CNTN5: variants seen among roughly 807,000 people sequenced by gnomAD.
CNTN5 encodes contactin-5.
CNTN5 carries 77 observed loss-of-function variants against 129.1 expected under a neutral mutation model. That is an observed-to-expected ratio of 0.60 (90% CI 0.50 to 0.72). The LOEUF is 0.72. CNTN5 is among the 30% of genes least tolerant of loss of function. The pLI, the probability that CNTN5 is intolerant of heterozygous loss-of-function variation, is 0.00. For synonymous variants in CNTN5, 509 were observed against 465.6 expected (o/e 1.09, Z -1.20); for missense variants, 1,478 against 1,328.8 (o/e 1.11, Z -1.75).
At chr11:99,371,279 G>A (rs1216446502) in intron 2 of CNTN5, among the ~76,000 whole-genome samples, 1 of 151,594 alleles carries the variant, frequency 6.6e-6, no homozygotes, top group African/African-American at 2.4e-5. Context: ...AAAGATTATA[G>A]CATAATTATA....
At chr11:99,168,065 C>T (rs1398383705) in intron 1 of CNTN5, among the ~76,000 whole-genome samples, 1 of 151,970 alleles carries the variant, frequency 6.6e-6, no homozygotes, top group Non-Finnish European at 1.5e-5. Flanking sequence ...TGCCAAGCCT[C>T]CCAAGTAGCT....
chr11:99,779,838 C>T (rs935043409), intron 3 of CNTN5, among the ~76,000 whole-genome samples: 7 of 152,006 alleles, frequency 4.6e-5, no homozygotes, highest in African/African-American at 1.7e-4. Flanking sequence ...TATAAGTTCT[C>T]AGTGGCTGTG....
intron 1 of CNTN5, among the ~76,000 whole-genome samples, chr11:99,125,883 C>G (rs1022806928): frequency 6.6e-6 from 1 of 151,970 alleles, no homozygotes; most frequent in African/African-American, 2.4e-5. Context: ...ATGGTAATAC[C>G]ATTATATCAT....
At position 99,798,439 on chromosome 11, in the gene CNTN5, T is replaced by A. The variant is rs904481900; in HGVS notation, c.56-21105T>A. Among the ~76,000 whole-genome samples, 8 of 152,338 alleles carry A rather than the reference T, an allele frequency of 5.3e-5. No homozygotes were observed. The East Asian group carries it at 1.5e-3, about 29-fold the overall frequency. ...TTTTTATCTATCTTGAATTAATTTT[T>A]ATAAATGGTGAAAGATCAAGGGTCC... On this transcript the variant is annotated intron_variant, in intron 3 of 24. Coordinates refer to ENST00000524871, the MANE Select transcript of CNTN5 (RefSeq NM_014361.4).
intron 3 of CNTN5, among the ~76,000 whole-genome samples, chr11:99,775,920 G>A (rs1945108707): frequency 6.6e-6 from 1 of 152,056 alleles, no homozygotes; most frequent in Admixed American, 6.6e-5. Flanking sequence ...ATTAGAATAT[G>A]TGTTGGTTGT....
chr11:99,619,197 A>G (rs1322683642), intron 3 of CNTN5, among the ~76,000 whole-genome samples: 2 of 152,116 alleles, frequency 1.3e-5, no homozygotes, highest in Non-Finnish European at 2.9e-5. Flanking sequence ...AAAAAAATCA[A>G]AAAACTATAT....
chr11:99,161,906 A>G (rs909677404), intron 1 of CNTN5, among the ~76,000 whole-genome samples: 5 of 152,172 alleles, frequency 3.3e-5, no homozygotes, highest in African/African-American at 9.7e-5. Context: ...TCACTCTTCA[A>G]GTAAAACACT....
At chr11:99,898,093 T>G (rs1949256302) in intron 6 of CNTN5, among the ~76,000 whole-genome samples, 1 of 152,066 alleles carries the variant, frequency 6.6e-6, no homozygotes, top group African/African-American at 2.4e-5. Context: ...GAGGAAATTT[T>G]ATAGCATTAA....
At chr11:100,274,930 C>A (rs1484120570) in intron 18 of CNTN5, among the ~76,000 whole-genome samples, 2 of 152,156 alleles carry the variant, frequency 1.3e-5, no homozygotes, top group African/African-American at 4.8e-5. Context: ...ATAATCTGTA[C>A]AACAAACCCC....
intron 4 of CNTN5, among the ~76,000 whole-genome samples, chr11:99,843,241 T>C (rs994638581): frequency 2.0e-5 from 3 of 152,068 alleles, no homozygotes; most frequent in Admixed American, 6.6e-5. Flanking sequence ...AACAAAAAAC[T>C]TGCATCTAGG....
At chr11:100,014,694 A>T (rs970566796) in intron 9 of CNTN5, among the ~76,000 whole-genome samples, 3 of 152,058 alleles carry the variant, frequency 2.0e-5, no homozygotes, top group African/African-American at 7.2e-5. Flanking sequence ...CATTCACTTT[A>T]TCTGTTTGGT....
At chr11:99,181,354 C>T (rs1177986378) in intron 1 of CNTN5, among the ~76,000 whole-genome samples, 1 of 152,142 alleles carries the variant, frequency 6.6e-6, no homozygotes, top group Non-Finnish European at 1.5e-5. Flanking sequence ...TGCTGTGTCT[C>T]ATTTGGGTTT....
chr11:99,548,892 G>A (rs75135761), intron 2 of CNTN5, among the ~76,000 whole-genome samples: 13,466 of 151,948 alleles, frequency 0.089, 1,194 homozygotes, highest in East Asian at 0.35. Flanking sequence ...ATCAATTCTG[G>A]AAAATCTTAG....
intron 3 of CNTN5, among the ~76,000 whole-genome samples, chr11:99,722,757 C>G (rs761566224): frequency 6.6e-6 from 1 of 151,654 alleles, no homozygotes; most frequent in Non-Finnish European, 1.5e-5. Flanking sequence ...CTGGTAAGAC[C>G]CTGTCTTTTA....
chr11:99,546,801 G>T (rs1948308649), intron 2 of CNTN5, among the ~76,000 whole-genome samples: 1 of 152,074 alleles, frequency 6.6e-6, no homozygotes, highest in African/African-American at 2.4e-5. Context: ...TTGCACTCAT[G>T]ATGGCCTTTT....
At chr11:99,046,326 C>T (rs61891107) in intron 1 of CNTN5, among the ~76,000 whole-genome samples, 20,488 of 151,904 alleles carry the variant, frequency 0.13, 1,517 homozygotes, top group East Asian at 0.33. Flanking sequence ...GGTGACACAG[C>T]GAGACCCAGT....
At position 100,322,743 on chromosome 11, in the gene CNTN5, AC is replaced by A. The variant is rs149959166; in HGVS notation, c.2730+14276del. Among the ~76,000 whole-genome samples, 316 of 152,210 alleles carry A rather than the reference AC, an allele frequency of 2.1e-3. 1 individual carries two copies. Among genetic ancestry groups the A allele is most frequent in the African/African-American group, 7.1e-3 (296 of 41,538 alleles). Reference sequence around the variant, plus strand: ...AGCCTTCTTTGAGCTTTGTCAGTATACAGGTCTTGATAGTCTTTTCTTAGAT... The same window carrying A: ...AGCCTTCTTTGAGCTTTGTCAGTATAAGGTCTTGATAGTCTTTTCTTAGAT... On this transcript the variant is annotated intron_variant, in intron 21 of 24. Transcript: ENST00000524871.
At chr11:99,408,680 G>T (rs1218773432) in intron 2 of CNTN5, among the ~76,000 whole-genome samples, 1 of 151,888 alleles carries the variant, frequency 6.6e-6, no homozygotes, top group Non-Finnish European at 1.5e-5. Context: ...ACATTATCTT[G>T]CCCCATAAAT....
intron 1 of CNTN5, among the ~76,000 whole-genome samples, chr11:99,028,551 C>A (rs1863212554): frequency 6.6e-6 from 1 of 151,864 alleles, no homozygotes; most frequent in Non-Finnish European, 1.5e-5. Flanking sequence ...CTAACTGCTG[C>A]ATTTACTTTT....
Sources: allele counts gnomAD v4.1 joint callset (sites outside exome capture counted in the v4.1 genomes callset), GRCh38; gene constraint gnomAD v4.1.1; transcripts MANE v1.5; gene names NCBI Gene and HGNC (gene_info 2026-07-23, HGNC 2026-07-21).